The following PKHD1L1 variants were observed in gnomAD, a reference collection of about 807,000 sequenced individuals.
PKHD1L1 encodes the protein fibrocystin-L.
In PKHD1L1, 434 loss-of-function variants were observed where a neutral mutation model predicts 462.9. That is an observed-to-expected ratio of 0.94 (90% confidence interval 0.87 to 1.02). PKHD1L1 has a LOEUF of 1.02. Among genes scored for constraint, PKHD1L1 ranks in the 50% least tolerant of loss-of-function variants. The pLI is 0.00. For missense variants in PKHD1L1, 5,202 were observed against 5,096.1 expected (o/e 1.02, Z -0.63); for synonymous variants, 1,781 against 1,750.0 (o/e 1.02, Z -0.44).
chr8:109,374,252 G>A (rs989580794), intron 2 of PKHD1L1, among the ~76,000 whole-genome samples: 19 of 152,182 alleles, frequency 1.2e-4, no homozygotes, highest in Non-Finnish European at 2.4e-4. Flanking sequence ...TTACCATTAT[G>A]TAATGGCCTT....
rs375380835 is a variant in PKHD1L1, at chr8:109,409,886, A to T, written c.1993A>T (p.Met665Leu). ...TTAGTTTCAGGGAGCAGTGGAAGAA[A>T]TGGTTAGCACTAAGTGTCCACCACA... ...EAEFQGAVEEMVSTKCPPQIA... is the reference protein window; with the variant it reads ...EAEFQGAVEELVSTKCPPQIA... Residue 665 changes from methionine (M) to leucine (L), a missense_variant, in exon 19 of 78, where the codon ATG becomes TTG. Transcript: ENST00000378402. 3 of 1,589,910 alleles carry T rather than the reference A, an allele frequency of 1.9e-6. No homozygotes were observed. In the African/African-American group the frequency reaches 4.1e-5, roughly 22 times the overall value.
Position 109,435,332 on chromosome 8 carries a change from G to T in PKHD1L1, c.3483G>T (p.Trp1161Cys). The stretch of plus-strand genomic sequence containing the variant: ...ATCAGAGTCAGATCTCACATATCTG[G>T]CCTGATTCTGGAAGCATAGCAGGTA... ...FVYQSQISHI[W>C]PDSGSIAGGT... The change falls in exon 29 of 78, where the codon TGG becomes TGT. Residue 1161 changes from tryptophan (W) to cysteine (C), a missense_variant. Physicochemically the swap from Trp to Cys is radical, Grantham distance 215. Transcript: ENST00000378402. The T allele has an allele frequency of 1.2e-6, 2 of 1,612,460 alleles. No individual in the cohort carries two copies. The highest frequency in any genetic ancestry group is 1.7e-6 in the Non-Finnish European group (2 of 1,179,198).
At chr8:109,446,765 A>G (rs1288726625) in intron 38 of PKHD1L1, among the ~76,000 whole-genome samples, 1 of 151,886 alleles carries the variant, frequency 6.6e-6, no homozygotes, top group Non-Finnish European at 1.5e-5. Flanking sequence ...AAAACAATGT[A>G]TTCAAAGGTA....
At chr8:109,466,442 A>T in intron 49 of PKHD1L1, 136 bp from the exon 50 acceptor site, 1 of 843,752 alleles carries the variant, frequency 1.2e-6, no homozygotes, top group Non-Finnish European at 1.7e-6. Flanking sequence ...CTCCATGCAA[A>T]CAAGCAAACA....
At chr8:109,380,219 C>G (rs756192060) in intron 2 of PKHD1L1, among the ~76,000 whole-genome samples, 4 of 149,756 alleles carry the variant, frequency 2.7e-5, no homozygotes, top group Non-Finnish European at 5.9e-5. Flanking sequence ...CTGGCTACCT[C>G]TAACACTCTT....
At chr8:109,459,514 A>C in intron 46 of PKHD1L1, 81 bp from the exon 47 acceptor site, 1 of 1,150,006 alleles carries the variant, frequency 8.7e-7, no homozygotes, top group Non-Finnish European at 1.2e-6. Flanking sequence ...AGTATTTAAA[A>C]TGAATAAAAC....
intron 16 of PKHD1L1, 118 bp downstream of exon 16, chr8:109,405,248 CAAAG>C (rs1467603363): frequency 1.0e-4 from 62 of 598,034 alleles, no homozygotes; most frequent in Admixed American, 4.2e-4. Context: ...ATATGCTAGA[CAAAG>C]AAGCAGAAAA....
chr8:109,386,537 G>A (rs1179156602), intron 6 of PKHD1L1, among the ~76,000 whole-genome samples: 1 of 152,068 alleles, frequency 6.6e-6, no homozygotes, highest in East Asian at 1.9e-4. Context: ...TTTAATGAGT[G>A]AAATAAAGAT....
intron 76 of PKHD1L1, 134 bp downstream of exon 76, chr8:109,523,520 G>C: frequency 1.2e-6 from 1 of 818,742 alleles, no homozygotes; most frequent in Non-Finnish European, 1.7e-6. Context: ...ATTTTGCCTT[G>C]TTTCAGAAAA....
In PKHD1L1 at chr8:109,373,087, C is replaced by T. The variant is rs1167478665; in HGVS notation, c.164-8283C>T. Among the ~76,000 whole-genome samples, 12 of 152,162 alleles carry T rather than the reference C, an allele frequency of 7.9e-5. No homozygotes were observed. In the South Asian group the frequency reaches 1.7e-3, roughly 21 times the overall value. On this transcript the variant is annotated intron_variant, in intron 2 of 77. Coordinates refer to ENST00000378402, the MANE Select transcript of PKHD1L1 (RefSeq NM_177531.6). ...ATAATTTCAGAAGGAATGGTACCAGCTCCTCCTTGTCCTCTGGTAGAATTC... is the reference window on the plus strand; with the variant it reads ...ATAATTTCAGAAGGAATGGTACCAGTTCCTCCTTGTCCTCTGGTAGAATTC...
chr8:109,426,746 G>A lies in PKHD1L1; in HGVS notation c.2846-256G>A, dbSNP rs139640235. 0.014 allele frequency among the ~76,000 whole-genome samples: 2,110 copies of A among 152,142 alleles called. 19 individuals carry two copies. Among genetic ancestry groups the A allele is most frequent in the Middle Eastern group, 0.034 (10 of 294 alleles). Reference sequence around the variant, plus strand: ...TTGGACACTACAACCTCCGCCTTCCGGGTTCAAGTGGTTCTCCTGCCTCAG... The same window carrying A: ...TTGGACACTACAACCTCCGCCTTCCAGGTTCAAGTGGTTCTCCTGCCTCAG... On this transcript the variant is annotated intron_variant, in intron 24 of 77. Coordinates refer to ENST00000378402, the MANE Select transcript of PKHD1L1 (RefSeq NM_177531.6).
chr8:109,384,320 C>G (rs139621475), intron 5 of PKHD1L1, among the ~76,000 whole-genome samples, 193 bp downstream of exon 5: 235 of 152,184 alleles, frequency 1.5e-3, no homozygotes, highest in Admixed American at 2.3e-3. Flanking sequence ...GCAAGAATTC[C>G]TCGAGCCCAA....
intron 30 of PKHD1L1, among the ~76,000 whole-genome samples, chr8:109,437,781 T>G (rs1194063806): frequency 6.6e-6 from 1 of 151,972 alleles, no homozygotes; most frequent in Non-Finnish European, 1.5e-5. Context: ...AAACACTGAG[T>G]GTGGATTAAA....
At chr8:109,448,732 C>T (rs1816312714) in intron 39 of PKHD1L1, among the ~76,000 whole-genome samples, 1 of 151,588 alleles carries the variant, frequency 6.6e-6, no homozygotes, top group Non-Finnish European at 1.5e-5. Context: ...ATTTATAGCA[C>T]AATACAAATA....
intron 2 of PKHD1L1, among the ~76,000 whole-genome samples, chr8:109,369,478 A>G (rs907798238): frequency 2.0e-5 from 3 of 152,122 alleles, no homozygotes; most frequent in African/African-American, 7.2e-5. Context: ...CACATATGCT[A>G]TATATATTTG....
rs1346076150 is a variant in PKHD1L1, at chr8:109,445,098, C to T, written c.5229C>T (p.Tyr1743=). The T allele has an allele frequency of 6.2e-7, 1 of 1,613,934 alleles. No homozygotes were observed. The highest frequency in any genetic ancestry group is 8.5e-7 in the Non-Finnish European group (1 of 1,179,880). ...GCCAGGGAAACTGCACCTTTTCATA[C>T]TTAGAAAGCATCACTCCTTACATAA... The part of the protein sequence containing the change: ...AQCQGNCTFS[Y]LESITPYITG... The change falls in exon 38 of 78, where the codon TAC becomes TAT. Residue 1743 remains tyrosine, a synonymous_variant. Coordinates refer to ENST00000378402, the MANE Select transcript of PKHD1L1 (RefSeq NM_177531.6).
At chr8:109,469,730 A>G (rs1032544328) in intron 50 of PKHD1L1, among the ~76,000 whole-genome samples, 30 of 152,146 alleles carry the variant, frequency 2.0e-4, no homozygotes, top group Non-Finnish European at 8.8e-5. Flanking sequence ...ACAGTGCCTT[A>G]ATAATATAAA....
At chr8:109,462,928 G>T (rs749069318) in intron 48 of PKHD1L1, among the ~76,000 whole-genome samples, 5 of 151,866 alleles carry the variant, frequency 3.3e-5, no homozygotes, top group Non-Finnish European at 7.4e-5. Flanking sequence ...TTTTGACAAG[G>T]GTTATCGCTC....
In PKHD1L1 at chr8:109,456,304, C is replaced by A. The variant is rs746261551; in HGVS notation, c.6917C>A (p.Ala2306Glu). Residue 2306 changes from alanine to glutamate, a missense_variant, in exon 46 of 78, where the codon GCA (alanine) becomes GAA (glutamate). Transcript: ENST00000378402. ...ACCTGGACTCGCTTGGCTCATACTG[C>A]AAAGGCAGGGGAAAGAATTTTAATT... ...PVTWTRLAHT[A>E]KAGERILILQ... 2 of 1,612,620 alleles carry A rather than the reference C, an allele frequency of 1.2e-6. No homozygotes were observed. The highest frequency in any genetic ancestry group is 2.2e-5 in the South Asian group (2 of 90,792).
Sources: allele counts gnomAD v4.1 joint callset (sites outside exome capture counted in the v4.1 genomes callset), GRCh38; gene constraint gnomAD v4.1.1; transcripts MANE v1.5; gene names NCBI Gene and HGNC (gene_info 2026-07-23, HGNC 2026-07-21).